The following OCIAD1 variants were observed in gnomAD, a reference collection of about 807,000 sequenced individuals.
OCIAD1 encodes the protein OCIA domain-containing protein 1.
A neutral mutation model predicts 38.9 loss-of-function variants in OCIAD1; 29 were observed. The ratio of observed to expected loss-of-function variants is 0.74; its 90% CI spans 0.55 to 1.02. The LOEUF (loss-of-function observed/expected upper bound fraction) is 1.02. OCIAD1 is among the 50% of genes least tolerant of loss of function. OCIAD1 has a pLI of 0.00. For synonymous variants in OCIAD1, 110 were observed against 92.0 expected (o/e 1.20, Z -1.12); for missense variants, 288 against 289.6 (o/e 0.99, Z 0.04).
chr4:48,812,563 G>A (rs1777101012), intron 1 of OCIAD1, among the ~76,000 whole-genome samples: 1 of 152,028 alleles, frequency 6.6e-6, no homozygotes, highest in South Asian at 2.1e-4. Context: ...ATAAAGGAGT[G>A]ATTGACTGTC....
At chr4:48,816,270 T>C (rs1198657257) in intron 1 of OCIAD1, among the ~76,000 whole-genome samples, 1 of 152,234 alleles carries the variant, frequency 6.6e-6, no homozygotes, top group Non-Finnish European at 1.5e-5. Context: ...GTGCAGTTCA[T>C]TAGAATAAAC....
At chr4:48,832,260 C>T (rs1171003833) in intron 1 of OCIAD1, among the ~76,000 whole-genome samples, 1 of 152,088 alleles carries the variant, frequency 6.6e-6, no homozygotes, top group African/African-American at 2.4e-5. Flanking sequence ...AATCATTGGG[C>T]ATAGATTCGA....
At chr4:48,812,640 G>A (rs1475466231) in intron 1 of OCIAD1, among the ~76,000 whole-genome samples, 1 of 152,176 alleles carries the variant, frequency 6.6e-6, no homozygotes, top group Non-Finnish European at 1.5e-5. Flanking sequence ...ATAACACAAA[G>A]GTCATGGAGA....
chr4:48,848,610 ATTG>A, intron 5 of OCIAD1, 164 bp downstream of exon 5: 1 of 408,204 alleles, frequency 2.4e-6, no homozygotes, highest in Non-Finnish European at 4.3e-6. Flanking sequence ...TGGATATTTT[ATTG>A]TTAGCATAAA....
chr4:48,843,223 A>G (rs765646079), intron 4 of OCIAD1, among the ~76,000 whole-genome samples: 2 of 152,156 alleles, frequency 1.3e-5, no homozygotes, highest in South Asian at 2.1e-4. Context: ...CCTAAAGTCT[A>G]TTGGCTCAAA....
intron 7 of OCIAD1, among the ~76,000 whole-genome samples, chr4:48,854,980 T>G (rs1779889359): frequency 6.6e-6 from 1 of 152,256 alleles, no homozygotes; most frequent in African/African-American, 2.4e-5. Context: ...TCCAGTTCTT[T>G]ATAACCTTCC....
chr4:48,807,426 C>T (rs914633880), intron 1 of OCIAD1, among the ~76,000 whole-genome samples: 3 of 152,014 alleles, frequency 2.0e-5, no homozygotes, highest in African/African-American at 7.3e-5. Flanking sequence ...AATTACATGC[C>T]GCCCTTGTAT....
intron 3 of OCIAD1, 131 bp from the exon 4 acceptor site, chr4:48,842,503 AAC>A (rs754841851): frequency 7.9e-6 from 5 of 634,528 alleles, no homozygotes; most frequent in South Asian, 1.9e-5. Flanking sequence ...TTAAAAATGG[AAC>A]AGTCTTTTTT....
chr4:48,839,335 C>A (rs184517949), intron 3 of OCIAD1, among the ~76,000 whole-genome samples: 3 of 151,350 alleles, frequency 2.0e-5, no homozygotes, highest in Admixed American at 2.0e-4. Context: ...TCTTGGGAGG[C>A]TGAGGCAGGA....
intron 7 of OCIAD1, among the ~76,000 whole-genome samples, chr4:48,854,282 C>T (rs1333379945): frequency 1.3e-5 from 2 of 152,094 alleles, no homozygotes; most frequent in African/African-American, 4.8e-5. Context: ...TGTGGATATG[C>T]TGGACAAAGG....
At chr4:48,841,528 G>A (rs112593571) in intron 3 of OCIAD1, among the ~76,000 whole-genome samples, 20 of 152,178 alleles carry the variant, frequency 1.3e-4, no homozygotes, top group Admixed American at 3.9e-4. Flanking sequence ...TTTTTATTGG[G>A]GGCTGGTCAC....
At chr4:48,823,405 G>A (rs2109496809) in intron 1 of OCIAD1, among the ~76,000 whole-genome samples, 1 of 151,912 alleles carries the variant, frequency 6.6e-6, no homozygotes, top group Middle Eastern at 3.4e-3. Context: ...GGGGTAGGGG[G>A]CAAAGGGAGG....
chr4:48,814,372 C>A (rs1179183244), intron 1 of OCIAD1, among the ~76,000 whole-genome samples: 1 of 147,676 alleles, frequency 6.8e-6, no homozygotes, highest in South Asian at 2.1e-4. Context: ...TATAAAGTCA[C>A]CTAGACGTGG....
intron 6 of OCIAD1, among the ~76,000 whole-genome samples, chr4:48,851,266 C>T (rs1042989505): frequency 6.6e-6 from 1 of 152,230 alleles, no homozygotes; most frequent in Admixed American, 6.5e-5. Context: ...GCTGGGTATA[C>T]ATTTCCTATT....
Position 48,848,384 on chromosome 4 carries a change from A to T in OCIAD1, c.194-15A>T, listed in dbSNP as rs534469784. The T allele has an allele frequency of 5.0e-5, 68 of 1,347,400 alleles. No homozygotes were observed. The South Asian group carries it at 7.2e-4, about 14-fold the overall frequency. 83.5% of individuals were successfully genotyped at this position (1,347,400 alleles called of 1,614,324 possible). ...GTAACAGTGTTACTCAGAAATACTT[A>T]ACTCTTTTCTTTAGGAATACTTTCA... On this transcript the variant is annotated splice_polypyrimidine_tract_variant and intron_variant, in intron 4 of 8. Transcript: ENST00000264312.
rs188228087 is a variant in OCIAD1 at position 48,857,069 on chromosome 4, A to G, written c.548-144A>G. Reference sequence around the variant, plus strand: ...TTGATGATTATCTTGGTGAAAGTATAGTACCTGTGAAATGGTGGTAATAAT... The same window carrying G: ...TTGATGATTATCTTGGTGAAAGTATGGTACCTGTGAAATGGTGGTAATAAT... On this transcript the variant is annotated intron_variant, in intron 7 of 8. Coordinates refer to ENST00000264312, the MANE Select transcript of OCIAD1 (RefSeq NM_017830.4). The G allele has an allele frequency of 2.5e-5, 10 of 403,012 alleles. No homozygotes were observed. The Admixed American group carries it at 4.0e-4, about 16-fold the overall frequency. The allele number at this position is 403,012 out of a possible 1,614,324, so 25.0% of individuals were successfully genotyped here. A position where few individuals can be genotyped will look rare whatever the true frequency, so the allele number is the denominator to read the frequency against.
chr4:48,854,305 C>G (rs1385640645), intron 7 of OCIAD1, among the ~76,000 whole-genome samples: 2 of 152,164 alleles, frequency 1.3e-5, no homozygotes, highest in Non-Finnish European at 2.9e-5. Flanking sequence ...TGATTCAAGT[C>G]CTGGATGGAC....
chr4:48,830,870 C>A (rs1248642707), upstream of OCIAD1: 4 of 154,738 alleles, frequency 2.6e-5, no homozygotes, highest in African/African-American at 4.8e-5. Context: ...CTCCCAACCC[C>A]CTTCCCCGCC....
At chr4:48,838,781 A>C (rs1175760627) in intron 3 of OCIAD1, among the ~76,000 whole-genome samples, 1 of 152,232 alleles carries the variant, frequency 6.6e-6, no homozygotes, top group Non-Finnish European at 1.5e-5. Context: ...TAAAATACTT[A>C]TCCTCTTCTA....
Sources: allele counts gnomAD v4.1 joint callset (sites outside exome capture counted in the v4.1 genomes callset), GRCh38; gene constraint gnomAD v4.1.1; transcripts MANE v1.5; gene names NCBI Gene and HGNC (gene_info 2026-07-23, HGNC 2026-07-21).